The following PDE8B variants were observed in gnomAD, a reference collection of about 807,000 sequenced individuals.
PDE8B encodes phosphodiesterase 8B.
PDE8B carries 26 observed loss-of-function variants against 101.3 expected under a neutral mutation model. The ratio of observed to expected loss-of-function variants is 0.26; its 90% confidence interval spans 0.19 to 0.36. The LOEUF (loss-of-function observed/expected upper bound fraction) is 0.36, where lower values mean the gene tolerates loss of function less well. PDE8B is among the 10% of genes least tolerant of loss of function. The pLI, the probability that PDE8B is intolerant of heterozygous loss-of-function variation, is 1.00. For missense variants in PDE8B, 810 were observed against 1,163.1 expected (o/e 0.70, Z 4.42); for synonymous variants, 424 against 429.3 (o/e 0.99, Z 0.15).
intron 8 of PDE8B, 41 bp from the exon 9 acceptor site, chr5:77,351,024 C>G: frequency 1.4e-6 from 2 of 1,450,376 alleles, no homozygotes; most frequent in Non-Finnish European, 1.9e-6. Context: ...CAGCTGTCAT[C>G]CTTGACTGAA....
chr5:77,197,042 AT>A, the PDE8B span, among the ~76,000 whole-genome samples: 84,995 of 148,724 alleles, frequency 0.57, 24,196 homozygotes, highest in South Asian at 0.63. Context: ...TAATTGATGT[AT>A]TTTTATCTTT....
At chr5:77,092,707 C>T in the PDE8B span, among the ~76,000 whole-genome samples, 1 of 151,916 alleles carries the variant, frequency 6.6e-6, no homozygotes, top group Non-Finnish European at 1.5e-5. Flanking sequence ...TTACTTGAGC[C>T]CAGGAGTTCG....
the PDE8B span, chr5:77,118,254 T>G: frequency 2.5e-6 from 1 of 396,770 alleles, no homozygotes; most frequent in Non-Finnish European, 4.4e-6. Flanking sequence ...GCCTAAGGTT[T>G]TGGTTTTGTA....
chr5:77,123,663 G>C, the PDE8B span, among the ~76,000 whole-genome samples: 16 of 152,112 alleles, frequency 1.1e-4, no homozygotes, highest in Admixed American at 2.6e-4. Context: ...GGAGGTTGAG[G>C]GGGAGGATCC....
intron 1 of PDE8B, 128 bp from the exon 2 acceptor site, chr5:77,311,866 C>T: frequency 1.2e-6 from 1 of 809,480 alleles, no homozygotes; most frequent in Non-Finnish European, 2.2e-6. Flanking sequence ...AACCCATCTC[C>T]AGTTCAGTAA....
chr5:77,240,355 G>A (rs887330458), intron 1 of PDE8B, among the ~76,000 whole-genome samples: 3 of 151,604 alleles, frequency 2.0e-5, no homozygotes, highest in Admixed American at 6.6e-5. Context: ...GGGTTTCACC[G>A]TGTTAGCCAG....
At chr5:77,203,395 TG>T in the PDE8B span, among the ~76,000 whole-genome samples, 1 of 152,238 alleles carries the variant, frequency 6.6e-6, no homozygotes, top group Non-Finnish European at 1.5e-5. Flanking sequence ...TGTATGTCTG[TG>T]TTCCTAACTG....
chr5:77,388,327 C>CTT (rs1789172720), intron 10 of PDE8B, among the ~76,000 whole-genome samples: 1 of 152,154 alleles, frequency 6.6e-6, no homozygotes, highest in Non-Finnish European at 1.5e-5. Context: ...CTAACAGGCC[C>CTT]CTCTGCTACA....
At chr5:77,394,686 A>C (rs1262922944) in intron 10 of PDE8B, among the ~76,000 whole-genome samples, 4 of 152,370 alleles carry the variant, frequency 2.6e-5, no homozygotes, top group African/African-American at 9.6e-5. Flanking sequence ...TTCATAAAAC[A>C]TTTAAGGAAA....
chr5:77,339,536 G>A (rs963996605), intron 6 of PDE8B, among the ~76,000 whole-genome samples: 9 of 152,132 alleles, frequency 5.9e-5, no homozygotes, highest in South Asian at 2.1e-4. Flanking sequence ...CTCATGCCAC[G>A]GCCTCTCCCC....
chr5:77,109,649 G>C, the PDE8B span, among the ~76,000 whole-genome samples: 2 of 152,188 alleles, frequency 1.3e-5, no homozygotes, highest in Non-Finnish European at 2.9e-5. Context: ...ATGTTGTCCT[G>C]TTGCTGGCAA....
chr5:77,413,100 C>T lies in PDE8B; in HGVS notation c.1713-11C>T, dbSNP rs373527650. The T allele has an allele frequency of 6.2e-7, 1 of 1,612,898 alleles. No homozygotes were observed. Among genetic ancestry groups the T allele is most frequent in the Non-Finnish European group, 8.5e-7 (1 of 1,179,050 alleles). On this transcript the variant is annotated splice_polypyrimidine_tract_variant and intron_variant, in intron 16 of 21. Coordinates refer to ENST00000264917, the MANE Select transcript of PDE8B (RefSeq NM_003719.5). ...ATACAATGAGCCAGGGTGGGTTTTC[C>T]TATTTTTCAGGCCATTGGTTTATCT...
chr5:77,223,193 T>C (rs73135255), intron 1 of PDE8B, among the ~76,000 whole-genome samples: 5,843 of 152,292 alleles, frequency 0.038, 362 homozygotes, highest in African/African-American at 0.13. Context: ...ATGTACTCAA[T>C]ATAAAATTTG....
the PDE8B span, among the ~76,000 whole-genome samples, chr5:77,187,220 GT>G: frequency 6.6e-6 from 1 of 152,360 alleles, no homozygotes; most frequent in Admixed American, 6.5e-5. Flanking sequence ...TACACAGGGA[GT>G]CAAGGAAATA....
the PDE8B span, chr5:77,087,833 T>C: frequency 0.04 from 6,147 of 153,020 alleles, 407 homozygotes; most frequent in African/African-American, 0.14. Flanking sequence ...TTCTATGATG[T>C]AAATGCTCCC....
At chr5:77,317,046 G>A (rs1184421523) in intron 2 of PDE8B, among the ~76,000 whole-genome samples, 2 of 152,116 alleles carry the variant, frequency 1.3e-5, no homozygotes, top group Non-Finnish European at 2.9e-5. Flanking sequence ...AGAATCTACT[G>A]AGTACCTCCT....
intron 8 of PDE8B, 97 bp downstream of exon 8, chr5:77,349,656 T>A (rs1428348793): frequency 1.5e-6 from 2 of 1,321,056 alleles, no homozygotes; most frequent in Non-Finnish European, 2.2e-6. Context: ...GCTTTTTTAA[T>A]AATGTCATAA....
At chr5:77,191,906 G>C in the PDE8B span, among the ~76,000 whole-genome samples, 1 of 152,158 alleles carries the variant, frequency 6.6e-6, no homozygotes, top group African/African-American at 2.4e-5. Context: ...TCCTGTCTGG[G>C]GGTGATGGGA....
chr5:77,221,428 A>C (rs1466550015), intron 1 of PDE8B, among the ~76,000 whole-genome samples: 8 of 152,150 alleles, frequency 5.3e-5, no homozygotes, highest in Non-Finnish European at 1.2e-4. Context: ...CCGTAGTTTG[A>C]TTTAGAGGTT....
Sources: gnomAD v4.1 joint callset for allele counts (sites outside exome capture counted in the v4.1 genomes callset) on GRCh38, gnomAD v4.1.1 for gene constraint, MANE v1.5 for transcripts, NCBI Gene and HGNC (gene_info 2026-07-23, HGNC 2026-07-21) for gene names.